BCAP29: variants seen among roughly 807,000 people sequenced by gnomAD.
The protein encoded by BCAP29 is B cell receptor associated protein 29, also known as B-cell receptor-associated protein 29.
BCAP29 carries 34 observed loss-of-function variants against 31.8 expected under a neutral mutation model. That is an observed-to-expected ratio of 1.07 (90% CI 0.81 to 1.42). The LOEUF is 1.42. Among genes scored for constraint, BCAP29 ranks in the 40% most tolerant of loss-of-function variants. The probability of loss-of-function intolerance (pLI) is 0.00; values close to 1 mark genes in which losing one functional copy is unlikely to be tolerated. For synonymous variants in BCAP29, 104 were observed against 91.3 expected (o/e 1.14, Z -0.79); for missense variants, 314 against 269.2 (o/e 1.17, Z -1.16).
intron 6 of BCAP29, among the ~76,000 whole-genome samples, chr7:107,605,426 G>C (rs1416891557): frequency 6.6e-6 from 1 of 152,092 alleles, no homozygotes; most frequent in Non-Finnish European, 1.5e-5. Context: ...GTGAAACATG[G>C]GCTAGTCTAC....
At chr7:107,612,589 C>A (rs762035068) in intron 6 of BCAP29, among the ~76,000 whole-genome samples, 1 of 151,500 alleles carries the variant, frequency 6.6e-6, no homozygotes, top group Non-Finnish European at 1.5e-5. Context: ...CTATATATTG[C>A]TGCTTTAGTT....
At chr7:107,586,260 C>T (rs1028703900) in intron 3 of BCAP29, among the ~76,000 whole-genome samples, 3 of 152,058 alleles carry the variant, frequency 2.0e-5, no homozygotes, top group Admixed American at 6.6e-5. Context: ...CCATTCCAGA[C>T]GTATGCAAGG....
intron 6 of BCAP29, among the ~76,000 whole-genome samples, chr7:107,604,843 A>G (rs961781146): frequency 2.4e-4 from 37 of 151,898 alleles, no homozygotes; most frequent in Non-Finnish European, 4.4e-4. Flanking sequence ...AGAAAGAATA[A>G]TATAGTTTAT....
Position 107,600,410 on chromosome 7 carries a change from A to C in BCAP29, c.494A>C (p.His165Pro). The C allele has an allele frequency of 6.2e-6, 10 of 1,602,336 alleles. No individual in the cohort carries two copies. Among genetic ancestry groups the C allele is most frequent in the Non-Finnish European group, 8.5e-6 (10 of 1,170,998 alleles). Residue 165 changes from histidine (H) to proline (P), a missense_variant, in exon 6 of 8, where the codon CAT becomes CCT. Coordinates refer to ENST00000005259, the MANE Select transcript of BCAP29 (RefSeq NM_018844.4). ...CTTTTGCAATAGATTTTGAAAAGCC[A>C]TGGTAAAGATGAAGAATGTGTTTTG... ...NEKLKRILKS[H>P]GKDEECVLEA...
At chr7:107,596,102 C>A in intron 5 of BCAP29, 100 bp downstream of exon 5, 1 of 1,001,100 alleles carries the variant, frequency 1.0e-6, no homozygotes, top group Non-Finnish European at 1.4e-6. Context: ...ATTTTATAAG[C>A]AGAAAATGAC....
At chr7:107,581,095 TG>T (rs1429784768) in intron 2 of BCAP29, among the ~76,000 whole-genome samples, 1 of 152,234 alleles carries the variant, frequency 6.6e-6, no homozygotes, top group African/African-American at 2.4e-5. Context: ...CCTATACTTT[TG>T]ATTCTGTTGA....
chr7:107,584,129 C>T (rs1807195698), intron 3 of BCAP29, 147 bp downstream of exon 3: 2 of 438,072 alleles, frequency 4.6e-6, no homozygotes, highest in South Asian at 7.1e-5. Flanking sequence ...TCTATTGATA[C>T]ACAGTTGATA....
Position 107,593,805 on chromosome 7 carries a change from C to T in BCAP29, c.194-150C>T, listed in dbSNP as rs375182826. ...ACCTACTTTGAGCATGAAAAGTTCC[C>T]GGGTACTGTAGACGGAATGACATAA... On this transcript the variant is annotated intron_variant, in intron 3 of 7. Coordinates refer to ENST00000005259, the MANE Select transcript of BCAP29 (RefSeq NM_018844.4). 2.7e-5 allele frequency: 18 copies of T among 660,996 alleles called. No individual in the cohort carries two copies. In the East Asian group the frequency reaches 3.1e-4, roughly 11 times the overall value. 40.9% of individuals were successfully genotyped at this position (660,996 alleles called of 1,614,324 possible).
chr7:107,585,658 G>A (rs1228092274), intron 3 of BCAP29, among the ~76,000 whole-genome samples: 1 of 152,158 alleles, frequency 6.6e-6, no homozygotes, highest in African/African-American at 2.4e-5. Flanking sequence ...TATCATGTAA[G>A]GGAGGGGAGT....
chr7:107,594,343 A>G (rs1430521478), intron 4 of BCAP29: 63 of 468,758 alleles, frequency 1.3e-4, no homozygotes, highest in Admixed American at 1.7e-4. Context: ...GCACACCACC[A>G]TGTAGGGCTA....
At chr7:107,612,422 TATATATATATATATA>T (rs1563141414) in intron 6 of BCAP29, among the ~76,000 whole-genome samples, 26 of 45,436 alleles carry the variant, frequency 5.7e-4, no homozygotes, top group East Asian at 1.9e-3. Flanking sequence ...TATATATATA[TATATATATATATATA>T]TATTTATTTT....
intron 2 of BCAP29, 41 bp downstream of exon 2, chr7:107,580,905 G>T (rs1806526215): frequency 2.1e-6 from 3 of 1,446,938 alleles, no homozygotes; most frequent in Non-Finnish European, 2.8e-6. Flanking sequence ...ATATTGGATC[G>T]CTCTTAATGT....
intron 3 of BCAP29, among the ~76,000 whole-genome samples, chr7:107,588,495 C>T (rs1364924473): frequency 6.6e-6 from 1 of 152,098 alleles, no homozygotes; most frequent in Non-Finnish European, 1.5e-5. Flanking sequence ...TAGACTATTT[C>T]TCCTGTGTTA....
chr7:107,613,597 G>A, intron 7 of BCAP29, 165 bp downstream of exon 7: 1 of 1,495,698 alleles, frequency 6.7e-7, no homozygotes, highest in Non-Finnish European at 9.3e-7. Context: ...TAAAGATTAG[G>A]ACATTGCAGG....
At chr7:107,583,122 T>C (rs552932465) in intron 2 of BCAP29, among the ~76,000 whole-genome samples, 1 of 152,166 alleles carries the variant, frequency 6.6e-6, no homozygotes, top group South Asian at 2.1e-4. Context: ...TCATTTAAAT[T>C]GCCCTTGTAC....
At position 107,593,978 on chromosome 7, in the gene BCAP29, T is replaced by G. The variant is rs1046691363; in HGVS notation, c.217T>G (p.Tyr73Asp). ...FLDAVREVRK[Y>D]SSVHTIEKSS... Reference sequence around the variant, plus strand: ...AGATGCTGTGAGAGAAGTAAGGAAATATTCCTCAGTTCATACCATTGAGAA... The same window carrying G: ...AGATGCTGTGAGAGAAGTAAGGAAAGATTCCTCAGTTCATACCATTGAGAA... The change falls in exon 4 of 8, where the codon TAT (tyrosine) becomes GAT (aspartate). Residue 73 changes from tyrosine (Y) to aspartate (D), a missense_variant. Tyr to Asp is a radical substitution (Grantham distance 160, BLOSUM62 -3). Coordinates refer to ENST00000005259, the MANE Select transcript of BCAP29 (RefSeq NM_018844.4). 2.5e-6 allele frequency: 4 copies of G among 1,611,700 alleles called. No homozygotes were observed. Among genetic ancestry groups the G allele is most frequent in the Non-Finnish European group, 3.4e-6 (4 of 1,179,278 alleles).
chr7:107,610,973 C>T (rs767877455), intron 6 of BCAP29, among the ~76,000 whole-genome samples: 13 of 152,148 alleles, frequency 8.5e-5, no homozygotes, highest in South Asian at 2.1e-4. Flanking sequence ...TTATTTCTCA[C>T]GGTTCTGGTG....
intron 6 of BCAP29, among the ~76,000 whole-genome samples, chr7:107,612,391 T>TATATA (rs1813284355): frequency 3.2e-5 from 1 of 30,880 alleles, no homozygotes; most frequent in Non-Finnish European, 6.0e-5. Flanking sequence ...ATGTATTGTT[T>TATATA]TATATATATA....
At chr7:107,612,299 T>C (rs1318992483) in intron 6 of BCAP29, among the ~76,000 whole-genome samples, 1 of 150,200 alleles carries the variant, frequency 6.7e-6, no homozygotes, top group African/African-American at 2.4e-5. Context: ...GAGATAAAAG[T>C]TTCAAGTATG....
Sources: allele counts gnomAD v4.1 joint callset (sites outside exome capture counted in the v4.1 genomes callset), GRCh38; gene constraint gnomAD v4.1.1; transcripts MANE v1.5; gene names NCBI Gene and HGNC (gene_info 2026-07-23, HGNC 2026-07-21).